The following TRIM34 variants were observed in gnomAD, a reference collection of about 807,000 sequenced individuals.
TRIM34 encodes E3 ubiquitin-protein ligase TRIM34.
Under a neutral mutation model 38.1 loss-of-function variants are expected in TRIM34, and 41 were observed. The ratio of observed to expected loss-of-function variants is 1.08; its 90% confidence interval spans 0.84 to 1.40. The LOEUF (loss-of-function observed/expected upper bound fraction) is 1.40, where lower values mean the gene tolerates loss of function less well. Ranked by LOEUF, TRIM34 falls within the 40% of genes most tolerant of loss-of-function variation. The pLI, the probability that TRIM34 is intolerant of heterozygous loss-of-function variation, is 0.00. For missense variants in TRIM34, 556 were observed against 571.4 expected, an observed-to-expected ratio of 0.97 and a Z score of 0.27; for synonymous variants, 200 against 202.5, an observed-to-expected ratio of 0.99 and a Z score of 0.10.
chr11:5,621,695 C>T (rs552406112), upstream of TRIM34, among the ~76,000 whole-genome samples: 1 of 152,310 alleles, frequency 6.6e-6, no homozygotes, highest in Non-Finnish European at 1.5e-5. Context: ...TAGGGCAAAC[C>T]TGCCTCCCAT....
intron 6 of TRIM34, 113 bp downstream of exon 6, chr11:5,642,619 G>T: frequency 6.3e-6 from 9 of 1,419,584 alleles, no homozygotes; most frequent in Non-Finnish European, 8.5e-6. Flanking sequence ...GGAGGTCAGA[G>T]AATAAGGAAT....
At chr11:5,633,624 T>A (rs1290683758) in intron 2 of TRIM34, among the ~76,000 whole-genome samples, 180 bp from the exon 3 acceptor site, 1 of 152,206 alleles carries the variant, frequency 6.6e-6, no homozygotes, top group East Asian at 1.9e-4. Context: ...TTCATCACAA[T>A]GAATGAACAA....
chr11:5,632,888 G>A (rs1329952327), intron 2 of TRIM34, 134 bp downstream of exon 2: 26 of 1,240,190 alleles, frequency 2.1e-5, no homozygotes, highest in South Asian at 3.9e-5. Flanking sequence ...GTGCAGTGGC[G>A]TGCTCTCGGC....
At position 5,643,126 on chromosome 11, in the gene TRIM34, T is replaced by TTTATA; in HGVS notation, c.902-16_902-15insATATT. On this transcript the variant is annotated splice_polypyrimidine_tract_variant and intron_variant, in intron 7 of 7. Transcript: ENST00000429814. ...TTATATTCATATACATATATATATATTTTTTTTTTTCTTGCAGTGGATGTC... is the reference window on the plus strand; with the variant it reads ...TTATATTCATATACATATATATATATTTATATTTTTTTTTTCTTGCAGTGGATGTC... The TTTATA allele has an allele frequency of 9.0e-7, 1 of 1,115,534 alleles. No homozygotes were observed. Among genetic ancestry groups the TTTATA allele is most frequent in the Non-Finnish European group, 1.2e-6 (1 of 868,662 alleles). The allele number at this position is 1,115,534 out of a possible 1,614,324, so 69.1% of individuals were successfully genotyped here.
chr11:5,634,530 C>CACACACACACACAGATAT (rs1491498839), intron 3 of TRIM34, 101 bp from the exon 4 acceptor site: 1 of 203,886 alleles, frequency 4.9e-6, no homozygotes, highest in Admixed American at 7.4e-5. Flanking sequence ...CACACACACA[C>CACACACACACACAGATAT]ATATATATAT....
chr11:5,634,520 CACACACACACATATATATAT>C (rs1849630142), intron 3 of TRIM34, 91 bp from the exon 4 acceptor site: 2 of 636,234 alleles, frequency 3.1e-6, no homozygotes, highest in African/African-American at 4.2e-5. Flanking sequence ...CACACACACA[CACACACACACATATATATAT>C]ATATATATTT....
chr11:5,636,045 G>A (rs1216475907), intron 4 of TRIM34, among the ~76,000 whole-genome samples: 2 of 152,120 alleles, frequency 1.3e-5, no homozygotes, highest in Non-Finnish European at 2.9e-5. Flanking sequence ...TATATACCTA[G>A]AAGAACTGAA....
chr11:5,626,521 T>C (rs971815653), intron 1 of TRIM34: 2 of 152,196 alleles, frequency 1.3e-5, no homozygotes, highest in African/African-American at 4.8e-5. Flanking sequence ...TAATGGTTTT[T>C]CCCACGGGCT....
At chr11:5,641,559 C>CGTGTATGTG (rs1850014030) in intron 5 of TRIM34, among the ~76,000 whole-genome samples, 1 of 152,070 alleles carries the variant, frequency 6.6e-6, no homozygotes, top group Admixed American at 6.6e-5. Flanking sequence ...TTGTCAAATC[C>CGTGTATGTG]TAAAATAGGG....
At chr11:5,636,867 C>T (rs777796563) in intron 4 of TRIM34, among the ~76,000 whole-genome samples, 9 of 152,162 alleles carry the variant, frequency 5.9e-5, no homozygotes, top group Non-Finnish European at 1.2e-4. Context: ...AATCTGTTGG[C>T]GGGGCGCGGT....
At chr11:5,642,908 T>A in intron 7 of TRIM34, 65 bp downstream of exon 7, 1 of 1,596,660 alleles carries the variant, frequency 6.3e-7, no homozygotes, top group Non-Finnish European at 8.6e-7. Context: ...ATGGTTTCAA[T>A]GATATCTTCT....
At chr11:5,622,702 CAG>C (rs1232260470), upstream of TRIM34, among the ~76,000 whole-genome samples, 1 of 152,170 alleles carries the variant, frequency 6.6e-6, no homozygotes, top group East Asian at 1.9e-4. Context: ...GTCATCCACA[CAG>C]AACTGATGGG....
At chr11:5,622,593 G>A (rs993917888), upstream of TRIM34, among the ~76,000 whole-genome samples, 1 of 152,020 alleles carries the variant, frequency 6.6e-6, no homozygotes, top group Non-Finnish European at 1.5e-5. Context: ...ACTCCAGTCT[G>A]GGCGACAAGA....
At chr11:5,629,367 T>C (rs1375784633) in intron 1 of TRIM34, among the ~76,000 whole-genome samples, 1 of 152,224 alleles carries the variant, frequency 6.6e-6, no homozygotes, top group Non-Finnish European at 1.5e-5. Context: ...TGCAAAGATG[T>C]GATTTTCAAA....
At chr11:5,642,557 G>C (rs377100818) in intron 6 of TRIM34, 51 bp downstream of exon 6, 57 of 1,594,974 alleles carry the variant, frequency 3.6e-5, no homozygotes, top group Admixed American at 8.7e-5. Flanking sequence ...GTGGTGTCAG[G>C]TAATAAACTG....
upstream of TRIM34, among the ~76,000 whole-genome samples, chr11:5,623,790 A>T (rs533111076): frequency 6.6e-6 from 1 of 152,278 alleles, no homozygotes; most frequent in South Asian, 2.1e-4. Flanking sequence ...ATGTGGATAC[A>T]TTTTTGTGGG....
At chr11:5,632,899 T>A in intron 2 of TRIM34, 145 bp downstream of exon 2, 1 of 1,141,508 alleles carries the variant, frequency 8.8e-7, no homozygotes, top group South Asian at 2.3e-5. Flanking sequence ...TGCTCTCGGC[T>A]CACTGCAACC....
intron 1 of TRIM34, among the ~76,000 whole-genome samples, chr11:5,630,486 C>T (rs1225179565): frequency 6.6e-6 from 1 of 152,200 alleles, no homozygotes; most frequent in Non-Finnish European, 1.5e-5. Flanking sequence ...CCTCTAGGCT[C>T]ATGTGAGGCC....
At chr11:5,638,175 T>C (rs1050546880) in intron 4 of TRIM34, among the ~76,000 whole-genome samples, 1 of 152,232 alleles carries the variant, frequency 6.6e-6, no homozygotes, top group African/African-American at 2.4e-5. Context: ...TGTACTGTCA[T>C]TGCAGTGAAG....
Sources: gnomAD v4.1 joint callset for allele counts (sites outside exome capture counted in the v4.1 genomes callset) on GRCh38, gnomAD v4.1.1 for gene constraint, MANE v1.5 for transcripts, NCBI Gene and HGNC (gene_info 2026-07-23, HGNC 2026-07-21) for gene names.